The following WDR47 variants were observed in gnomAD, a reference collection of about 807,000 sequenced individuals.
WDR47 encodes WD repeat domain 47.
WDR47 carries 32 observed loss-of-function variants against 97.2 expected under a neutral mutation model. The ratio of observed to expected loss-of-function variants is 0.33; its 90% confidence interval spans 0.25 to 0.44. The LOEUF (loss-of-function observed/expected upper bound fraction) is 0.44. Ranked by LOEUF, WDR47 falls within the 20% of genes least tolerant of loss-of-function variation. The probability of loss-of-function intolerance (pLI) is 1.00; values close to 1 mark genes in which losing one functional copy is unlikely to be tolerated. For missense variants in WDR47, 782 were observed against 1,102.3 expected (o/e 0.71, Z 4.11); for synonymous variants, 375 against 373.5 (o/e 1.00, Z -0.05).
intron 2 of WDR47, 107 bp from the exon 3 acceptor site, chr1:109,017,708 G>T: frequency 1.2e-6 from 1 of 834,168 alleles, no homozygotes; most frequent in Non-Finnish European, 1.9e-6. Flanking sequence ...AGCACACAAT[G>T]AGATTAACAT....
chr1:109,013,677 CG>C (rs1661207165), intron 4 of WDR47, 163 bp downstream of exon 4: 3 of 654,292 alleles, frequency 4.6e-6, no homozygotes, highest in Non-Finnish European at 7.7e-6. Flanking sequence ...AGTTTAGAAG[CG>C]CTACAGAATG....
intron 1 of WDR47, among the ~76,000 whole-genome samples, chr1:109,028,363 T>TTTTTTG (rs1491422750): frequency 7.0e-4 from 3 of 4,274 alleles, no homozygotes; most frequent in East Asian, 6.3e-3. Flanking sequence ...TTTTGTTGGG[T>TTTTTTG]TTTTTTTTTT....
chr1:109,024,181 G>C (rs960838095), intron 1 of WDR47, among the ~76,000 whole-genome samples: 10 of 152,228 alleles, frequency 6.6e-5, no homozygotes, highest in African/African-American at 2.2e-4. Flanking sequence ...GGCAGGTGTA[G>C]TGGCGTACGC....
At position 109,004,603 on chromosome 1, in the gene WDR47, C is replaced by G. The variant is rs775454722; in HGVS notation, c.1243G>C (p.Glu415Gln). 3.1e-6 allele frequency: 5 copies of G among 1,605,930 alleles called. No homozygotes were observed. In the South Asian group the frequency reaches 5.6e-5, roughly 18 times the overall value. Residue 415 changes from glutamate (E) to glutamine (Q), a missense_variant, in exon 6 of 15, where the codon GAA (glutamate) becomes CAA (glutamine). Physicochemically the swap from Glu to Gln is conservative, Grantham distance 29. Transcript: ENST00000369962. ...TTAGTAAATATTACCTCATTTTTTTCTTGTTTAGCTGGTCCTGGATTCTGT... is the reference window on the plus strand; with the variant it reads ...TTAGTAAATATTACCTCATTTTTTTGTTGTTTAGCTGGTCCTGGATTCTGT... ...GAQNPGPAKQ[E>Q]KNELRDSTEQ...
At chr1:109,020,324 G>A (rs889815984) in intron 2 of WDR47, among the ~76,000 whole-genome samples, 2 of 150,758 alleles carry the variant, frequency 1.3e-5, no homozygotes, top group African/African-American at 4.9e-5. Flanking sequence ...GCAAGCTCAC[G>A]ATCTCGGCTC....
intron 1 of WDR47, chr1:109,030,392 A>G: frequency 7.0e-6 from 3 of 426,852 alleles, no homozygotes; most frequent in Non-Finnish European, 1.2e-5. Context: ...AAAATAAAAT[A>G]AAATAAAATA....
chr1:109,032,406 G>C (rs1209202549), intron 1 of WDR47, among the ~76,000 whole-genome samples: 1 of 134,656 alleles, frequency 7.4e-6, no homozygotes, highest in Non-Finnish European at 1.6e-5. Flanking sequence ...TACTCGGGAG[G>C]CTGAGGCAGG....
Position 108,986,460 on chromosome 1 carries a change from G to A in WDR47, c.1925+63C>T, listed in dbSNP as rs1191363611. 4.3e-6 allele frequency: 6 copies of A among 1,409,092 alleles called. No individual in the cohort carries two copies. In the African/African-American group the frequency reaches 4.3e-5, roughly 10 times the overall value. The allele number at this position is 1,409,092 out of a possible 1,614,324, so 87.3% of individuals were successfully genotyped here. On this transcript the variant is annotated intron_variant, in intron 10 of 14. Coordinates refer to ENST00000369962, the MANE Select transcript of WDR47 (RefSeq NM_001142551.2). ...ACTACTGAATGGCAATTCTGAAAAA[G>A]GAACCTATACGGCTAAATTAAAAAC...
chr1:109,028,361 G>GTTTTTTTTTT (rs1414813690), intron 1 of WDR47, among the ~76,000 whole-genome samples: 1 of 27,616 alleles, frequency 3.6e-5, no homozygotes, highest in African/African-American at 1.1e-4. Flanking sequence ...ATTTTTGTTG[G>GTTTTTTTTTT]GTTTTTTTTT....
chr1:109,000,018 G>A (rs1011045185), intron 7 of WDR47, among the ~76,000 whole-genome samples: 4 of 152,148 alleles, frequency 2.6e-5, no homozygotes, highest in Non-Finnish European at 5.9e-5. Flanking sequence ...ATGTTCAGAG[G>A]CCTATTTAGA....
At chr1:108,996,835 G>A (rs1659784300) in intron 7 of WDR47, among the ~76,000 whole-genome samples, 1 of 152,130 alleles carries the variant, frequency 6.6e-6, no homozygotes, top group African/African-American at 2.4e-5. Context: ...TTAGACTCAT[G>A]GGCCAGGTGC....
chr1:109,003,566 A>G (rs1660366232), intron 6 of WDR47, among the ~76,000 whole-genome samples: 1 of 152,140 alleles, frequency 6.6e-6, no homozygotes, highest in Admixed American at 6.5e-5. Flanking sequence ...CAGTGGTACA[A>G]TGTTGGCTCA....
At chr1:109,023,642 A>G (rs1309310192) in intron 1 of WDR47, 121 bp from the exon 2 acceptor site, 2 of 962,052 alleles carry the variant, frequency 2.1e-6, no homozygotes, top group East Asian at 2.5e-5. Context: ...TCTGAAGTGA[A>G]GTTAACTTAG....
At chr1:108,986,272 G>A (rs1464356491) in intron 10 of WDR47, among the ~76,000 whole-genome samples, 1 of 152,034 alleles carries the variant, frequency 6.6e-6, no homozygotes, top group Non-Finnish European at 1.5e-5. Context: ...TGGAAATAAA[G>A]AAGTCTAAAG....
intron 10 of WDR47, among the ~76,000 whole-genome samples, chr1:108,984,216 T>A (rs1658585193): frequency 6.6e-6 from 1 of 152,152 alleles, no homozygotes; most frequent in Non-Finnish European, 1.5e-5. Context: ...CAAGAGTTTG[T>A]CCTTTAATGA....
At chr1:109,024,683 T>TA (rs1662077641) in intron 1 of WDR47, among the ~76,000 whole-genome samples, 1 of 152,176 alleles carries the variant, frequency 6.6e-6, no homozygotes. Context: ...CCTAAACTGT[T>TA]ACAGTTTTCA....
At chr1:108,997,283 A>G (rs1659822686) in intron 7 of WDR47, among the ~76,000 whole-genome samples, 1 of 151,522 alleles carries the variant, frequency 6.6e-6, no homozygotes, top group African/African-American at 2.4e-5. Context: ...AAAGAAAAGA[A>G]AAAGAAAAAC....
chr1:109,007,871 AG>A (rs2101926899), intron 5 of WDR47, among the ~76,000 whole-genome samples: 1 of 152,210 alleles, frequency 6.6e-6, no homozygotes, highest in Non-Finnish European at 1.5e-5. Flanking sequence ...TGGGAGGCCG[AG>A]GTGGGCAGAT....
intron 1 of WDR47, among the ~76,000 whole-genome samples, chr1:109,024,016 C>T (rs1662032617): frequency 6.6e-6 from 1 of 152,202 alleles, no homozygotes; most frequent in African/African-American, 2.4e-5. Flanking sequence ...TCAATAAGTA[C>T]TTAATGCCTT....
Sources: allele counts gnomAD v4.1 joint callset (sites outside exome capture counted in the v4.1 genomes callset), GRCh38; gene constraint gnomAD v4.1.1; transcripts MANE v1.5; gene names NCBI Gene and HGNC (gene_info 2026-07-23, HGNC 2026-07-21).